The following ADCY9 variants were observed in gnomAD, a reference collection of about 807,000 sequenced individuals.
ADCY9 encodes adenylate cyclase type 9.
In ADCY9, 50 loss-of-function variants were observed where a neutral mutation model predicts 101.5. The ratio of observed to expected loss-of-function variants is 0.49; its 90% confidence interval spans 0.39 to 0.62. ADCY9 has a LOEUF of 0.62. Among genes scored for constraint, ADCY9 ranks in the 20% least tolerant of loss-of-function variants. The pLI is 0.00. For synonymous variants in ADCY9, 905 were observed against 769.3 expected (o/e 1.18, Z -2.92); for missense variants, 1,662 against 1,800.4 (o/e 0.92, Z 1.39).
At chr16:4,059,567 C>T (rs1465351770) in intron 2 of ADCY9, among the ~76,000 whole-genome samples, 1 of 152,078 alleles carries the variant, frequency 6.6e-6, no homozygotes, top group Non-Finnish European at 1.5e-5. Flanking sequence ...TGGAAATCAA[C>T]CAAAGACATA....
At chr16:4,015,863 G>C (rs1406390275) in intron 2 of ADCY9, among the ~76,000 whole-genome samples, 1 of 151,994 alleles carries the variant, frequency 6.6e-6, no homozygotes, top group African/African-American at 2.4e-5. Flanking sequence ...AGCTACTCGG[G>C]AGGCTAAGGC....
At chr16:4,099,888 T>C (rs774160450) in intron 2 of ADCY9, among the ~76,000 whole-genome samples, 1 of 152,198 alleles carries the variant, frequency 6.6e-6, no homozygotes, top group Non-Finnish European at 1.5e-5. Context: ...CCTGTCTCTC[T>C]CAAAAATTTG....
At position 3,966,162 on chromosome 16, in the gene ADCY9, G is replaced by A. The variant is rs2055992076; in HGVS notation, c.3675C>T (p.Tyr1225=). The A allele has an allele frequency of 6.2e-7, 1 of 1,614,094 alleles. No homozygotes were observed. The highest frequency in any genetic ancestry group is 8.5e-7 in the Non-Finnish European group (1 of 1,180,056). ...VLSKMGYDFD[Y]RGTVNVKGKG... Reference sequence around the variant, plus strand: ...TCCCCTTGACATTCACGGTCCCTCTGTAGTCGAAGTCATAGCCCATCTTGC... The same window carrying A: ...TCCCCTTGACATTCACGGTCCCTCTATAGTCGAAGTCATAGCCCATCTTGC... The change falls in exon 11 of 11, where the codon TAC becomes TAT. Residue 1225 remains tyrosine, a synonymous_variant. Coordinates refer to ENST00000294016, the MANE Select transcript of ADCY9 (RefSeq NM_001116.4).
chr16:3,986,452 T>C (rs1167468031), intron 6 of ADCY9, among the ~76,000 whole-genome samples: 2 of 152,114 alleles, frequency 1.3e-5, no homozygotes, highest in Non-Finnish European at 2.9e-5. Flanking sequence ...ACATGTTTGT[T>C]TTTTTTCTTT....
At chr16:4,080,128 T>A (rs2056892471) in intron 2 of ADCY9, among the ~76,000 whole-genome samples, 1 of 151,852 alleles carries the variant, frequency 6.6e-6, no homozygotes, top group Admixed American at 6.6e-5. Flanking sequence ...CACAGGAAAA[T>A]CCCCATGAAA....
chr16:3,985,308 T>C (rs1348866776), intron 6 of ADCY9, among the ~76,000 whole-genome samples: 3 of 152,096 alleles, frequency 2.0e-5, no homozygotes, highest in African/African-American at 4.8e-5. Context: ...CCCAGCTAAT[T>C]TTTGTATGAT....
In ADCY9 at chr16:3,978,382, C is replaced by T. The variant is rs564984515; in HGVS notation, c.2679+734G>A. Among the ~76,000 whole-genome samples the T allele has an allele frequency of 1.1e-4, 17 of 152,368 alleles. No homozygotes were observed. The South Asian group carries it at 2.9e-3, about 26-fold the overall frequency. The stretch of plus-strand genomic sequence containing the variant: ...CACCAGAAGGATCATCTCCCACGGC[C>T]GTGCTGGTTCCCTCTCCACGGAGTT... On this transcript the variant is annotated intron_variant, in intron 8 of 10. Transcript: ENST00000294016.
chr16:3,992,915 C>T lies in ADCY9; in HGVS notation c.1989+491G>A, dbSNP rs544801073. Reference sequence around the variant, plus strand: ...ACGAGAGCCCGCGCCCCAGGTGAGTCGCCTGCATGAGCCCCCGCCGACAGG... The same window carrying T: ...ACGAGAGCCCGCGCCCCAGGTGAGTTGCCTGCATGAGCCCCCGCCGACAGG... On this transcript the variant is annotated intron_variant, in intron 4 of 10. Coordinates refer to ENST00000294016, the MANE Select transcript of ADCY9 (RefSeq NM_001116.4). The surrounding 1 kb of genome is among the most constrained non-coding windows in gnomAD (Gnocchi z 4.2). Among the ~76,000 whole-genome samples the T allele has an allele frequency of 7.2e-5, 11 of 152,196 alleles. No homozygotes were observed. The East Asian group carries it at 1.7e-3, about 24-fold the overall frequency.
chr16:4,108,360 A>ATTTTTTTTTTTTTTTTTTTT (rs869169536), intron 2 of ADCY9, among the ~76,000 whole-genome samples: 1 of 53,712 alleles, frequency 1.9e-5, no homozygotes, highest in Non-Finnish European at 3.2e-5. Flanking sequence ...CCGTTTCTTC[A>ATTTTTTTTTTTTTTTTTTTT]TTTTTTTTTT....
At chr16:3,982,966 C>A in intron 7 of ADCY9, 1 of 530,324 alleles carries the variant, frequency 1.9e-6, no homozygotes, top group Non-Finnish European at 3.3e-6. Context: ...GTCTCTGAAC[C>A]TGGAAATCTG....
chr16:4,113,164 AC>A (rs1392050005), intron 2 of ADCY9, among the ~76,000 whole-genome samples: 2 of 149,402 alleles, frequency 1.3e-5, no homozygotes, highest in Non-Finnish European at 3.0e-5. Flanking sequence ...GAAAATGCAA[AC>A]TTTTTTTAAA....
intron 2 of ADCY9, among the ~76,000 whole-genome samples, chr16:4,029,802 C>T (rs765137144): frequency 6.6e-6 from 1 of 152,076 alleles, no homozygotes; most frequent in Non-Finnish European, 1.5e-5. Flanking sequence ...AACCAGACCA[C>T]TCAGTAGAAA....
Position 3,983,462 on chromosome 16 carries a change from C to G in ADCY9, c.2311-22G>C, listed in dbSNP as rs141803061. 590 of 1,582,288 alleles carry G rather than the reference C, an allele frequency of 3.7e-4. 2 individuals are homozygous for G. In the African/African-American group the frequency reaches 7.3e-3, roughly 20 times the overall value. On this transcript the variant is annotated intron_variant, in intron 6 of 10. Transcript: ENST00000294016. ...TGACCTGTGTGGAGCAGGAGTGGAG[C>G]AGAATGACTGGGAGGCCATGGGCGG...
intron 3 of ADCY9, among the ~76,000 whole-genome samples, chr16:4,001,000 CACACACACAT>C (rs1277489538): frequency 4.0e-5 from 6 of 150,706 alleles, no homozygotes; most frequent in South Asian, 2.1e-4. Context: ...CACACACACA[CACACACACAT>C]ATATAATTTC....
intron 3 of ADCY9, among the ~76,000 whole-genome samples, chr16:3,999,993 A>G (rs2141713153): frequency 6.6e-6 from 1 of 152,326 alleles, no homozygotes; most frequent in Middle Eastern, 3.4e-3. Context: ...CTCTTTTCTC[A>G]GAAATGAGGA....
Position 3,988,984 on chromosome 16 carries a change from A to C in ADCY9, c.2310+10T>G. The C allele has an allele frequency of 1.9e-6, 3 of 1,603,510 alleles. No individual in the cohort carries two copies. Among genetic ancestry groups the C allele is most frequent in the Non-Finnish European group, 2.6e-6 (3 of 1,170,510 alleles). On this transcript the variant is annotated intron_variant, in intron 6 of 10. Transcript: ENST00000294016. ...TTCTTTAGTAAAAGCGCAAGGAGAA[A>C]TGAACGCACCTCTTCCTGATAGCTG...
chr16:3,983,316 G>A lies in ADCY9; in HGVS notation c.2435C>T (p.Ala812Val), dbSNP rs1306009113. ...STTCFLKYEAATVPPPPAALA... is the reference protein window; with the variant it reads ...STTCFLKYEAVTVPPPPAALA... ...GGCGGCGGGCGGGGGAGGCACGGTGGCCGCCTCGTACTTCAGGAAGCAGGT... is the reference window on the plus strand; with the variant it reads ...GGCGGCGGGCGGGGGAGGCACGGTGACCGCCTCGTACTTCAGGAAGCAGGT... Residue 812 changes from alanine to valine, a missense_variant, in exon 7 of 11, where the codon GCC (alanine) becomes GTC (valine). This residue lies in a region of ADCY9 where 624 missense variants were observed against 639.1 expected (regional missense o/e 0.98). Transcript: ENST00000294016. 11 of 1,571,500 alleles carry A rather than the reference G, an allele frequency of 7.0e-6. No individual in the cohort carries two copies. The highest frequency in any genetic ancestry group is 2.7e-5 in the African/African-American group (2 of 73,724).
chr16:4,026,348 C>T (rs778289386), intron 2 of ADCY9, among the ~76,000 whole-genome samples: 10 of 144,752 alleles, frequency 6.9e-5, no homozygotes, highest in East Asian at 4.2e-4. Flanking sequence ...TACTTGAACC[C>T]GGGAGGCGGA....
chr16:4,031,862 C>T (rs546701280), intron 2 of ADCY9: 1 of 151,738 alleles, frequency 6.6e-6, no homozygotes, highest in East Asian at 1.9e-4. Context: ...GAGTGACAGA[C>T]TGAGACCCTG....
Sources: allele counts gnomAD v4.1 joint callset (sites outside exome capture counted in the v4.1 genomes callset), GRCh38; gene constraint gnomAD v4.1.1; regional missense constraint gnomAD v4.1.1; non-coding constraint Gnocchi (gnomAD v3.1); transcripts MANE v1.5; gene names NCBI Gene and HGNC (gene_info 2026-07-23, HGNC 2026-07-21).